CUL1: variants seen among roughly 807,000 people sequenced by gnomAD.
CUL1 encodes cullin 1, also known as cullin-1.
CUL1 carries 24 observed loss-of-function variants against 118.0 expected under a neutral mutation model. The observed-to-expected ratio is 0.20, with a 90% CI of 0.15 to 0.29. CUL1 has a LOEUF of 0.29. Ranked by LOEUF, CUL1 falls within the 10% of genes least tolerant of loss-of-function variation. The probability of loss-of-function intolerance (pLI) is 1.00; values close to 1 mark genes in which losing one functional copy is unlikely to be tolerated. For missense variants in CUL1, 361 were observed against 933.8 expected (o/e 0.39, Z 7.99); for synonymous variants, 332 against 340.4 (o/e 0.98, Z 0.27).
chr7:148,789,046 AG>A (rs1563169953), intron 14 of CUL1, among the ~76,000 whole-genome samples: 1 of 152,214 alleles, frequency 6.6e-6, no homozygotes, highest in Non-Finnish European at 1.5e-5. Flanking sequence ...GACTGGGATT[AG>A]GGATCAGTAC....
intron 3 of CUL1, among the ~76,000 whole-genome samples, chr7:148,755,391 ATG>A (rs1361233725): frequency 3.3e-5 from 5 of 152,252 alleles, no homozygotes; most frequent in African/African-American, 1.2e-4. Flanking sequence ...TATTTACACA[ATG>A]TGCAAAAATT....
chr7:148,735,931 G>A (rs1201086612), intron 2 of CUL1, among the ~76,000 whole-genome samples: 3 of 151,772 alleles, frequency 2.0e-5, no homozygotes, highest in East Asian at 3.9e-4. Context: ...CCCGGAATTT[G>A]GGAGGCCAGG....
intron 4 of CUL1, among the ~76,000 whole-genome samples, chr7:148,757,578 A>C (rs1799696608): frequency 6.6e-6 from 1 of 152,236 alleles, no homozygotes; most frequent in African/African-American, 2.4e-5. Context: ...CCCTGAATTA[A>C]TTAATTACTA....
intron 1 of CUL1, among the ~76,000 whole-genome samples, chr7:148,708,040 G>A (rs902013514): frequency 2.6e-5 from 4 of 152,190 alleles, no homozygotes; most frequent in African/African-American, 9.6e-5. Context: ...CCTGAGGTTA[G>A]GGTTCTGTGC....
At chr7:148,765,632 T>C (rs1799980319) in intron 7 of CUL1, among the ~76,000 whole-genome samples, 1 of 152,164 alleles carries the variant, frequency 6.6e-6, no homozygotes, top group African/African-American at 2.4e-5. Flanking sequence ...ATCCTGTCTC[T>C]GAAAAAAATA....
At chr7:148,728,042 A>T (rs1365578370) in intron 1 of CUL1, among the ~76,000 whole-genome samples, 1 of 152,116 alleles carries the variant, frequency 6.6e-6, no homozygotes, top group Non-Finnish European at 1.5e-5. Flanking sequence ...TTAGACAACT[A>T]AAATAGTCGC....
intron 2 of CUL1, among the ~76,000 whole-genome samples, chr7:148,739,660 A>G (rs1003796706): frequency 6.6e-6 from 1 of 152,138 alleles, no homozygotes; most frequent in Admixed American, 6.5e-5. Flanking sequence ...TTTTGCTAAT[A>G]TTTTCTTCAA....
At chr7:148,796,224 T>G (rs1294518895) in intron 17 of CUL1, among the ~76,000 whole-genome samples, 1 of 152,242 alleles carries the variant, frequency 6.6e-6, no homozygotes, top group Non-Finnish European at 1.5e-5. Flanking sequence ...GTCAAAATGC[T>G]TTTTCTACTC....
At position 148,760,490 on chromosome 7, in the gene CUL1, G is replaced by A; in HGVS notation, c.783G>A (p.Met261Ile). 6.2e-7 allele frequency: 1 copy of A among 1,605,400 alleles called. No individual in the cohort carries two copies. ...FLQQNPVTEYMKKAEARLLEE... is the reference protein window; with the variant it reads ...FLQQNPVTEYIKKAEARLLEE... ...AGCAGAACCCAGTTACTGAATATAT[G>A]AAAAAGGTAAGCTTAAATATAGTAC... The change falls in exon 7 of 22, where the codon ATG (methionine) becomes ATA (isoleucine). Residue 261 changes from methionine (M) to isoleucine (I), a missense_variant. Physicochemically the swap from Met to Ile is conservative, Grantham distance 10 (BLOSUM62 1). Around this residue, in one of 7 missense-constraint regions of CUL1, gnomAD observed 169 missense variants for 429.7 expected, o/e 0.39. Coordinates refer to ENST00000325222, the MANE Select transcript of CUL1 (RefSeq NM_003592.3).
At chr7:148,735,265 C>T (rs1292789326) in intron 2 of CUL1, among the ~76,000 whole-genome samples, 2 of 152,236 alleles carry the variant, frequency 1.3e-5, no homozygotes, top group Non-Finnish European at 2.9e-5. Flanking sequence ...AGTCAATCTG[C>T]TGAGCCCTTG....
At chr7:148,716,920 A>G (rs1383033101) in intron 1 of CUL1, among the ~76,000 whole-genome samples, 1 of 152,252 alleles carries the variant, frequency 6.6e-6, no homozygotes, top group African/African-American at 2.4e-5. Flanking sequence ...ATAGATTCCT[A>G]GAAGTGGATT....
rs779312688 is a variant in CUL1, at chr7:148,754,004, C to A, written c.169C>A (p.His57Asn). The change falls in exon 3 of 22, where the codon CAC (histidine) becomes AAC (asparagine). Residue 57 changes from histidine (H) to asparagine (N), a missense_variant. Coordinates refer to ENST00000325222, the MANE Select transcript of CUL1 (RefSeq NM_003592.3). ...THVYNYCTSV[H>N]QSNQARGAGV... ...TGTTTATAACTACTGTACTAGTGTT[C>A]ACCAGTCAAACCAAGCACGAGGAGC... The A allele has an allele frequency of 6.2e-6, 10 of 1,612,356 alleles. No homozygotes were observed. Among genetic ancestry groups the A allele is most frequent in the Non-Finnish European group, 8.5e-6 (10 of 1,179,494 alleles).
At chr7:148,796,092 G>A (rs1460845993) in intron 17 of CUL1, among the ~76,000 whole-genome samples, 1 of 152,130 alleles carries the variant, frequency 6.6e-6, no homozygotes, top group Non-Finnish European at 1.5e-5. Flanking sequence ...CTGTTTAACT[G>A]TGATGTTAAA....
chr7:148,761,442 C>T (rs559346960), intron 7 of CUL1, among the ~76,000 whole-genome samples: 21 of 152,248 alleles, frequency 1.4e-4, no homozygotes, highest in Admixed American at 2.6e-4. Flanking sequence ...ACCTGGGAGG[C>T]GGAGGTTGCA....
intron 9 of CUL1, among the ~76,000 whole-genome samples, chr7:148,773,541 T>C (rs1584806707): frequency 6.6e-6 from 1 of 152,186 alleles, no homozygotes; most frequent in East Asian, 1.9e-4. Flanking sequence ...ATTATAGTTT[T>C]ATGCTCTGTG....
intron 1 of CUL1, among the ~76,000 whole-genome samples, chr7:148,723,521 G>GGT (rs1798461751): frequency 6.6e-6 from 1 of 152,102 alleles, no homozygotes; most frequent in Non-Finnish European, 1.5e-5. Flanking sequence ...GGTACATACA[G>GGT]GTGTTTATCA....
In CUL1 at chr7:148,759,372, C is replaced by CGTGT; in HGVS notation, c.534+20_534+23dup. On this transcript the variant is annotated intron_variant, in intron 5 of 21. Coordinates refer to ENST00000325222, the MANE Select transcript of CUL1 (RefSeq NM_003592.3). The stretch of plus-strand genomic sequence containing the variant: ...ATAAACAGGTACCTACTGGTGTGAG[C>CGTGT]GTGTGCATGTTCCTTTTAAAATCCC... 6.2e-7 allele frequency: 1 copy of CGTGT among 1,612,876 alleles called. No homozygotes were observed. Among genetic ancestry groups the CGTGT allele is most frequent in the Non-Finnish European group, 8.5e-7 (1 of 1,179,044 alleles).
At chr7:148,703,826 C>T (rs991452639) in intron 1 of CUL1, among the ~76,000 whole-genome samples, 3 of 152,000 alleles carry the variant, frequency 2.0e-5, no homozygotes, top group Non-Finnish European at 2.9e-5. Context: ...CCACTGCGCC[C>T]GGCCGTGAGG....
chr7:148,699,704 C>T (rs370396557), intron 1 of CUL1, among the ~76,000 whole-genome samples: 2 of 152,066 alleles, frequency 1.3e-5, no homozygotes, highest in African/African-American at 4.8e-5. Flanking sequence ...GAGAGCGGGC[C>T]GGGGCATGCG....
Sources: allele counts gnomAD v4.1 joint callset (sites outside exome capture counted in the v4.1 genomes callset), GRCh38; gene constraint gnomAD v4.1.1; regional missense constraint gnomAD v4.1.1; transcripts MANE v1.5; gene names NCBI Gene and HGNC (gene_info 2026-07-23, HGNC 2026-07-21).